The following PDE11A variants were observed in gnomAD, a reference collection of about 807,000 sequenced individuals.
PDE11A encodes the protein dual 3',5'-cyclic-AMP and -GMP phosphodiesterase 11A.
A neutral mutation model predicts 100.5 loss-of-function variants in PDE11A; 100 were observed. The observed-to-expected ratio is 1.00, with a 90% CI of 0.85 to 1.18. The LOEUF (loss-of-function observed/expected upper bound fraction) is 1.18. Ranked by LOEUF, PDE11A falls within the 50% of genes most tolerant of loss-of-function variation. The pLI, the probability that PDE11A is intolerant of heterozygous loss-of-function variation, is 0.00. For synonymous variants in PDE11A, 381 were observed against 420.8 expected (o/e 0.91, Z 1.16); for missense variants, 1,141 against 1,152.6 (o/e 0.99, Z 0.15).
intron 19 of PDE11A, among the ~76,000 whole-genome samples, chr2:177,650,495 CTTTTCATTCCA>C: frequency 6.6e-6 from 1 of 152,324 alleles, no homozygotes; most frequent in South Asian, 2.1e-4. Flanking sequence ...TGTTTGCTGA[CTTTTCATTCCA>C]TTGCCCCTGT....
At chr2:177,829,409 T>C (rs2083275280) in intron 6 of PDE11A, among the ~76,000 whole-genome samples, 1 of 152,126 alleles carries the variant, frequency 6.6e-6, no homozygotes. Flanking sequence ...ACATTGTGCA[T>C]GGACTATATT....
intron 1 of PDE11A, among the ~76,000 whole-genome samples, chr2:178,019,762 G>C (rs1476328984): frequency 6.6e-6 from 1 of 152,166 alleles, no homozygotes; most frequent in African/African-American, 2.4e-5. Flanking sequence ...CTGATGAATT[G>C]GTTGGGAGGG....
At chr2:178,102,456 T>TA (rs1553508885) in intron 2 of PDE11A, among the ~76,000 whole-genome samples, 7 of 99,900 alleles carry the variant, frequency 7.0e-5, no homozygotes, top group African/African-American at 2.7e-4. Context: ...TTTTTTTTTT[T>TA]AGAGATGGGG....
intron 2 of PDE11A, among the ~76,000 whole-genome samples, chr2:177,913,483 A>C (rs1455719711): frequency 6.6e-6 from 1 of 152,072 alleles, no homozygotes; most frequent in East Asian, 1.9e-4. Flanking sequence ...AAATGCATAG[A>C]GTAAAGTAAT....
chr2:177,651,578 G>C (rs767099043), intron 19 of PDE11A, among the ~76,000 whole-genome samples: 50 of 151,988 alleles, frequency 3.3e-4, no homozygotes, highest in Non-Finnish European at 6.0e-4. Context: ...AGGACAGTTA[G>C]AAAAACACTC....
rs79903863 is a variant in PDE11A, at chr2:177,669,537, C to G, written c.2518G>C (p.Glu840Gln). Residue 840 changes from glutamate to glutamine, a missense_variant, in exon 18 of 20, where the codon GAA becomes CAA. Glu to Gln is a conservative substitution (Grantham distance 29). Coordinates refer to ENST00000286063, the MANE Select transcript of PDE11A (RefSeq NM_016953.4). Reference sequence around the variant, plus strand: ...TCTAATCTCTCCCGATCTCCTTGTTCGAAGAACTCACTGGTTACAAGTTCT... The same window carrying G: ...TCTAATCTCTCCCGATCTCCTTGTTGGAAGAACTCACTGGTTACAAGTTCT... ...VAELVTSEFF[E>Q]QGDRERLELK... 3.4e-6 allele frequency: 5 copies of G among 1,478,676 alleles called. No individual in the cohort carries two copies. The highest frequency in any genetic ancestry group is 1.7e-5 in the Admixed American group (1 of 59,838). 91.6% of individuals were successfully genotyped at this position (1,478,676 alleles called of 1,614,324 possible). A position where few individuals can be genotyped will look rare whatever the true frequency, so the allele number is the denominator to read the frequency against.
intron 2 of PDE11A, among the ~76,000 whole-genome samples, chr2:177,992,029 T>C (rs1333872757): frequency 6.6e-6 from 1 of 151,306 alleles, no homozygotes; most frequent in Non-Finnish European, 1.5e-5. Flanking sequence ...CCTGATAACC[T>C]CTTAGAGGCT....
intron 1 of PDE11A, chr2:178,018,376 C>CACTTTACTTTA: frequency 2.0e-6 from 1 of 490,964 alleles, no homozygotes; most frequent in South Asian, 1.5e-5. Context: ...CCTTTTGGCA[C>CACTTTACTTTA]ACTTGACTTT....
chr2:178,003,200 T>A (rs2086166011), intron 2 of PDE11A, among the ~76,000 whole-genome samples: 1 of 152,144 alleles, frequency 6.6e-6, no homozygotes, highest in South Asian at 2.1e-4. Context: ...TTCCTAGGTA[T>A]ATATCCAAGA....
intron 10 of PDE11A, among the ~76,000 whole-genome samples, chr2:177,762,866 G>T (rs1054825513): frequency 2.0e-5 from 3 of 152,110 alleles, no homozygotes; most frequent in Non-Finnish European, 2.9e-5. Context: ...TGGTCAGGCG[G>T]GTCCTTGAAG....
intron 16 of PDE11A, among the ~76,000 whole-genome samples, chr2:177,678,256 C>T (rs568882872): frequency 2.0e-5 from 3 of 152,228 alleles, no homozygotes; most frequent in South Asian, 2.1e-4. Flanking sequence ...GAAACACAAA[C>T]GACACCCAGA....
chr2:178,069,503 C>T (rs1425402206), intron 1 of PDE11A, among the ~76,000 whole-genome samples: 4 of 152,126 alleles, frequency 2.6e-5, no homozygotes, highest in Admixed American at 6.5e-5. Flanking sequence ...CCATACAGCA[C>T]GTTTCCCCTA....
chr2:178,031,159 T>A (rs2086542715), intron 1 of PDE11A, among the ~76,000 whole-genome samples: 1 of 152,136 alleles, frequency 6.6e-6, no homozygotes, highest in Non-Finnish European at 1.5e-5. Context: ...ACAACCTCCT[T>A]AGCAAACTGG....
At chr2:178,085,461 C>A (rs1230686899) in intron 2 of PDE11A, among the ~76,000 whole-genome samples, 3 of 152,076 alleles carry the variant, frequency 2.0e-5, no homozygotes, top group East Asian at 3.8e-4. Flanking sequence ...CATCCATACT[C>A]CAAACCTGAG....
chr2:177,971,438 C>A, intron 2 of PDE11A, among the ~76,000 whole-genome samples: 1 of 152,128 alleles, frequency 6.6e-6, no homozygotes, highest in Non-Finnish European at 1.5e-5. Context: ...TCAAAAGTCC[C>A]TAGCAATTAT....
intron 9 of PDE11A, among the ~76,000 whole-genome samples, chr2:177,801,468 A>C (rs1205381445): frequency 6.6e-6 from 1 of 152,194 alleles, no homozygotes; most frequent in Admixed American, 6.5e-5. Context: ...AGATGGTTAA[A>C]ATGTGGAACA....
chr2:177,741,491 A>T (rs549852144), intron 10 of PDE11A, among the ~76,000 whole-genome samples: 10 of 152,218 alleles, frequency 6.6e-5, no homozygotes, highest in Non-Finnish European at 1.3e-4. Context: ...ACAGACAGTT[A>T]TCATTATTGC....
intron 12 of PDE11A, among the ~76,000 whole-genome samples, chr2:177,720,133 C>G (rs2081504681): frequency 1.3e-5 from 2 of 151,830 alleles, no homozygotes; most frequent in South Asian, 2.1e-4. Context: ...TTTTTGAGAC[C>G]CTATTTTATT....
chr2:177,679,708 G>A (rs1000891237), intron 16 of PDE11A, among the ~76,000 whole-genome samples: 1 of 152,124 alleles, frequency 6.6e-6, no homozygotes, highest in Non-Finnish European at 1.5e-5. Context: ...AAGGCAGCCT[G>A]TAGGGATGAC....
Sources: allele counts gnomAD v4.1 joint callset (sites outside exome capture counted in the v4.1 genomes callset), GRCh38; gene constraint gnomAD v4.1.1; transcripts MANE v1.5; gene names NCBI Gene and HGNC (gene_info 2026-07-23, HGNC 2026-07-21).